DGKB: variants seen among roughly 807,000 people sequenced by gnomAD.
DGKB encodes 90 kDa diacylglycerol kinase.
A neutral mutation model predicts 114.3 loss-of-function variants in DGKB; 67 were observed. The ratio of observed to expected loss-of-function variants is 0.59; its 90% CI spans 0.48 to 0.72. The LOEUF is 0.72. DGKB is among the 30% of genes least tolerant of loss of function. DGKB has a pLI of 0.00. For synonymous variants in DGKB, 398 were observed against 323.1 expected (o/e 1.23, Z -2.49); for missense variants, 907 against 975.2 (o/e 0.93, Z 0.93).
intron 13 of DGKB, among the ~76,000 whole-genome samples, chr7:14,654,888 T>C (rs1049466641): frequency 4.0e-5 from 6 of 151,870 alleles, no homozygotes; most frequent in Admixed American, 2.0e-4. Flanking sequence ...ACAAAATATA[T>C]TAACAACTTA....
In DGKB at chr7:14,553,505, C is replaced by G. The variant is rs1199339038; in HGVS notation, c.1770+20707G>C. Among the ~76,000 whole-genome samples, 4 of 152,274 alleles carry G rather than the reference C, an allele frequency of 2.6e-5. No individual in the cohort carries two copies. In the East Asian group the frequency reaches 5.8e-4, roughly 22 times the overall value. On this transcript the variant is annotated intron_variant, in intron 20 of 25. Coordinates refer to ENST00000402815, the MANE Select transcript of DGKB (RefSeq NM_001350709.2). ...GTGAAATGAAAAAGAATCAGTAGAA[C>G]AGCAGCTATAGTTATATCTATCCAG...
At chr7:14,862,300 T>G (rs114048046) in intron 1 of DGKB, among the ~76,000 whole-genome samples, 2 of 152,218 alleles carry the variant, frequency 1.3e-5, no homozygotes, top group South Asian at 2.1e-4. Flanking sequence ...TGTATGTGTA[T>G]GTACATGATA....
intron 25 of DGKB, among the ~76,000 whole-genome samples, chr7:14,164,763 G>T (rs1005653223): frequency 6.6e-6 from 1 of 151,972 alleles, no homozygotes; most frequent in Admixed American, 6.6e-5. Context: ...TTTTGGGGGG[G>T]TATAATTGGG....
chr7:14,633,780 A>G (rs1563739540), intron 13 of DGKB, among the ~76,000 whole-genome samples: 2 of 151,746 alleles, frequency 1.3e-5, no homozygotes, highest in Admixed American at 6.6e-5. Context: ...GATTGATTTT[A>G]TTTGATCAGT....
At chr7:14,594,421 C>T (rs890626981) in intron 17 of DGKB, among the ~76,000 whole-genome samples, 3 of 151,828 alleles carry the variant, frequency 2.0e-5, no homozygotes, top group African/African-American at 7.3e-5. Flanking sequence ...AATTGACAGA[C>T]AATTCTGATG....
At chr7:14,636,260 C>G (rs1810734496) in intron 13 of DGKB, among the ~76,000 whole-genome samples, 1 of 151,742 alleles carries the variant, frequency 6.6e-6, no homozygotes, top group African/African-American at 2.4e-5. Flanking sequence ...GAGTTATAGA[C>G]TCTTTTCCCC....
intron 12 of DGKB, among the ~76,000 whole-genome samples, chr7:14,673,830 C>T (rs1194910341): frequency 6.6e-6 from 1 of 151,960 alleles, no homozygotes; most frequent in East Asian, 1.9e-4. Context: ...AGATTTCTCC[C>T]TCCTGCACTA....
At chr7:14,653,050 G>A (rs1178579785) in intron 13 of DGKB, among the ~76,000 whole-genome samples, 1 of 151,412 alleles carries the variant, frequency 6.6e-6, no homozygotes, top group South Asian at 2.1e-4. Context: ...CTTTTACACT[G>A]TTGGTGGGAC....
At chr7:14,371,189 A>C (rs1333921115) in intron 21 of DGKB, among the ~76,000 whole-genome samples, 1 of 152,134 alleles carries the variant, frequency 6.6e-6, no homozygotes, top group East Asian at 1.9e-4. Context: ...ATACCCAGTA[A>C]TGAGATTGCT....
At chr7:14,402,836 C>T (rs1324727962) in intron 21 of DGKB, among the ~76,000 whole-genome samples, 1 of 151,816 alleles carries the variant, frequency 6.6e-6, no homozygotes, top group Non-Finnish European at 1.5e-5. Flanking sequence ...TTCATCTAAT[C>T]AGGTGAAAGC....
At chr7:14,528,487 T>G (rs925277206) in intron 20 of DGKB, among the ~76,000 whole-genome samples, 1 of 152,090 alleles carries the variant, frequency 6.6e-6, no homozygotes, top group Non-Finnish European at 1.5e-5. Context: ...TCTTTTAAAC[T>G]GTGGGCTTAT....
intron 1 of DGKB, among the ~76,000 whole-genome samples, chr7:14,843,508 G>A (rs1848235974): frequency 6.7e-6 from 1 of 149,454 alleles, no homozygotes; most frequent in Non-Finnish European, 1.5e-5. Flanking sequence ...CTAATTTTTT[G>A]TATTTTTAGT....
intron 20 of DGKB, among the ~76,000 whole-genome samples, chr7:14,493,821 G>A (rs1784916526): frequency 6.6e-6 from 1 of 151,824 alleles, no homozygotes; most frequent in Admixed American, 6.6e-5. Flanking sequence ...AGATAAAGGG[G>A]ACTACTGTAA....
intron 2 of DGKB, among the ~76,000 whole-genome samples, chr7:14,805,939 G>C (rs1586635766): frequency 2.0e-5 from 3 of 150,688 alleles, no homozygotes; most frequent in African/African-American, 7.3e-5. Flanking sequence ...CAGTTCAAAT[G>C]GTTTCAGATT....
At chr7:14,801,481 TG>T (rs895401443) in intron 2 of DGKB, among the ~76,000 whole-genome samples, 2 of 152,174 alleles carry the variant, frequency 1.3e-5, no homozygotes, top group African/African-American at 4.8e-5. Flanking sequence ...GCATTTGAAT[TG>T]GTGAACTTAG....
At chr7:14,323,478 C>T (rs1468964738) in intron 23 of DGKB, among the ~76,000 whole-genome samples, 18 of 152,060 alleles carry the variant, frequency 1.2e-4, no homozygotes, top group Non-Finnish European at 1.5e-5. Context: ...AGTAGGGAAT[C>T]GGAGGAGATG....
chr7:14,289,983 T>C (rs190530805), intron 23 of DGKB, among the ~76,000 whole-genome samples: 123 of 152,310 alleles, frequency 8.1e-4, no homozygotes, highest in Non-Finnish European at 1.5e-3. Flanking sequence ...ACACTCAAGA[T>C]GTAGGCAAAA....
At chr7:14,353,026 T>C (rs977513133) in intron 21 of DGKB, among the ~76,000 whole-genome samples, 4 of 152,234 alleles carry the variant, frequency 2.6e-5, no homozygotes, top group Admixed American at 6.5e-5. Flanking sequence ...AAATGTATGA[T>C]AGTAATAATT....
chr7:14,191,971 C>T (rs1307237687), intron 23 of DGKB: 10 of 644,754 alleles, frequency 1.6e-5, no homozygotes, highest in Non-Finnish European at 1.6e-5. Context: ...CTACCATTGT[C>T]GATATGGTTC....
Sources: allele counts gnomAD v4.1 joint callset (sites outside exome capture counted in the v4.1 genomes callset), GRCh38; gene constraint gnomAD v4.1.1; transcripts MANE v1.5; gene names NCBI Gene and HGNC (gene_info 2026-07-23, HGNC 2026-07-21).